Variants in GSTM4 observed in about 807,000 individuals in gnomAD.
The protein encoded by GSTM4 is GST class-mu 4.
A neutral mutation model predicts 30.1 loss-of-function variants in GSTM4; 27 were observed. That is an observed-to-expected ratio of 0.90 (90% CI 0.66 to 1.24). The LOEUF (loss-of-function observed/expected upper bound fraction) is 1.24, where lower values mean the gene tolerates loss of function less well. Ranked by LOEUF, GSTM4 falls within the 50% of genes most tolerant of loss-of-function variation. GSTM4 has a pLI of 0.00. For synonymous variants in GSTM4, 94 were observed against 96.2 expected (o/e 0.98, Z 0.13); for missense variants, 238 against 272.1 (o/e 0.87, Z 0.88).
At chr1:109,664,934 G>C (rs1010828453), downstream of GSTM4, 1 of 1,554,236 alleles carries the variant, frequency 6.4e-7, no homozygotes, top group African/African-American at 1.4e-5. Context: ...CCTGGAGAAA[G>C]GTTAAAGAAT....
downstream of GSTM4, among the ~76,000 whole-genome samples, chr1:109,667,517 C>T (rs1342563955): frequency 6.6e-6 from 1 of 152,102 alleles, no homozygotes; most frequent in Admixed American, 6.5e-5. Flanking sequence ...ATGACAAAAA[C>T]ATCATTTTCT....
chr1:109,657,568 C>T, intron 3 of GSTM4, 22 bp from the exon 4 acceptor site: 2 of 1,614,240 alleles, frequency 1.2e-6, no homozygotes, highest in East Asian at 2.2e-5. Flanking sequence ...AACTGAGCTT[C>T]CCCGGTTTCC....
downstream of GSTM4, among the ~76,000 whole-genome samples, chr1:109,667,501 C>A (rs1226481914): frequency 6.6e-6 from 1 of 152,054 alleles, no homozygotes; most frequent in East Asian, 1.9e-4. Context: ...GAGCACAGCA[C>A]CACTTATGAC....
At chr1:109,664,341 C>CT (rs77855995), downstream of GSTM4, among the ~76,000 whole-genome samples, 99 of 35,750 alleles carry the variant, frequency 2.8e-3, 17 homozygotes, top group South Asian at 3.4e-3. Context: ...GAGAGAATAG[C>CT]TTTTTTTTTT....
downstream of GSTM4, chr1:109,665,404 C>A (rs774340596): frequency 1.6e-4 from 42 of 258,138 alleles, no homozygotes; most frequent in Non-Finnish European, 2.9e-4. Context: ...ATCCTGCAGT[C>A]GGCAGATCAT....
chr1:109,659,235 GAACCTTGC>G, intron 7 of GSTM4, 125 bp downstream of exon 7: 1 of 1,613,124 alleles, frequency 6.2e-7, no homozygotes, highest in Non-Finnish European at 8.5e-7. Context: ...TTCATGCCAG[GAACCTTGC>G]CCAGCACATT....
Position 109,656,774 on chromosome 1 carries a change from T to G in GSTM4, c.99T>G (p.Tyr33Ter). Residue 33 changes from tyrosine (Y) to a stop codon, truncating the protein, a stop_gained, in exon 2 of 8, where the codon TAT becomes TAG. Transcript: ENST00000369836. LOFTEE classifies it high-confidence loss of function. Reference sequence around the variant, plus strand: ...ACTCAAGCTACGAGGAAAAGAAGTATACGATGGGGGACGGTAATGACACCC... The same window carrying G: ...ACTCAAGCTACGAGGAAAAGAAGTAGACGATGGGGGACGGTAATGACACCC... ...YTDSSYEEKKYTMGDAPDYDR... is the reference protein window; with the variant it reads ...YTDSSYEEKK The G allele has an allele frequency of 1.2e-6, 2 of 1,612,728 alleles. No homozygotes were observed. The highest frequency in any genetic ancestry group is 1.7e-6 in the Non-Finnish European group (2 of 1,179,172).
At chr1:109,660,983 G>T (rs1570621266) in intron 7 of GSTM4, 182 bp from the exon 8 acceptor site, 1 of 647,018 alleles carries the variant, frequency 1.5e-6, no homozygotes, top group African/African-American at 1.9e-5. Flanking sequence ...ATTACTTAAA[G>T]GAAGTTGGAA....
intron 2 of GSTM4, 174 bp downstream of exon 2, chr1:109,656,961 C>A (rs746877053): frequency 4.9e-6 from 4 of 816,902 alleles, no homozygotes; most frequent in Admixed American, 3.9e-5. Context: ...AATGCTGGGG[C>A]GGGATGCTGG....
intron 1 of GSTM4, 96 bp from the exon 2 acceptor site, chr1:109,656,616 C>T: frequency 2.1e-6 from 2 of 958,882 alleles, no homozygotes; most frequent in Non-Finnish European, 3.2e-6. Flanking sequence ...GGGGGGGGTG[C>T]AGTGCAGTGT....
chr1:109,658,568 G>T, intron 5 of GSTM4: 1 of 522,272 alleles, frequency 1.9e-6, no homozygotes, highest in Non-Finnish European at 3.4e-6. Flanking sequence ...GAGGGTGGTT[G>T]GGAGGTCAGT....
chr1:109,656,995 T>A (rs140934911), intron 2 of GSTM4: 7,916 of 778,108 alleles, frequency 0.01, 75 homozygotes, highest in Non-Finnish European at 0.011. Flanking sequence ...TTGGGTTGGG[T>A]GTCCCTCAGA....
At chr1:109,657,475 C>A (rs1226923899) in intron 3 of GSTM4, 115 bp from the exon 4 acceptor site, 26 of 1,509,142 alleles carry the variant, frequency 1.7e-5, no homozygotes, top group Non-Finnish European at 2.2e-5. Flanking sequence ...TATGTCAGGC[C>A]TGCCATGAGC....
chr1:109,658,873 G>A lies in GSTM4; in HGVS notation c.420G>A (p.Gln140=), dbSNP rs778181467. 2 of 1,614,150 alleles carry A rather than the reference G, an allele frequency of 1.2e-6. No homozygotes were observed. Among genetic ancestry groups the A allele is most frequent in the East Asian group, 4.5e-5 (2 of 44,888 alleles). The change falls in exon 6 of 8, where the codon CAG becomes CAA. Residue 140 remains glutamine (Q), a synonymous_variant. Coordinates refer to ENST00000369836, the MANE Select transcript of GSTM4 (RefSeq NM_000850.5). ...ELPTMMQHFS[Q]FLGKRPWFVG... is the part of the protein sequence containing the mutation. Reference sequence around the variant, plus strand: ...CTACAATGATGCAGCACTTCTCACAGTTCCTGGGGAAGAGGCCATGGTTTG... The same window carrying A: ...CTACAATGATGCAGCACTTCTCACAATTCCTGGGGAAGAGGCCATGGTTTG...
At chr1:109,658,556 A>G (rs1198958855) in intron 5 of GSTM4, 1 of 506,268 alleles carries the variant, frequency 2.0e-6, no homozygotes, top group African/African-American at 1.9e-5. Context: ...GCTGACCCAG[A>G]GGAGGGTGGT....
chr1:109,666,381 C>T (rs1274437748), downstream of GSTM4, among the ~76,000 whole-genome samples: 3 of 152,240 alleles, frequency 2.0e-5, no homozygotes, highest in Admixed American at 2.0e-4. Flanking sequence ...ATTACCCACT[C>T]TGGTGCTGGG....
At chr1:109,658,734 G>A in intron 5 of GSTM4, 80 bp from the exon 6 acceptor site, 3 of 995,698 alleles carry the variant, frequency 3.0e-6, no homozygotes, top group Non-Finnish European at 4.8e-6. Flanking sequence ...GGCCAGCTGG[G>A]GCCATACACA....
chr1:109,664,117 C>A (rs544077184), downstream of GSTM4, among the ~76,000 whole-genome samples: 1 of 152,230 alleles, frequency 6.6e-6, no homozygotes, highest in African/African-American at 2.4e-5. Context: ...ATCATTACTT[C>A]CTGTGGATAA....
intron 1 of GSTM4, 123 bp from the exon 2 acceptor site, chr1:109,656,589 T>C (rs1265609907): frequency 1.0e-4 from 62 of 591,126 alleles, no homozygotes; most frequent in African/African-American, 6.0e-4. Flanking sequence ...TGTGTGTGTG[T>C]GCGTGCGCCG....
Sources: gnomAD v4.1 joint callset for allele counts (sites outside exome capture counted in the v4.1 genomes callset) on GRCh38, gnomAD v4.1.1 for gene constraint, MANE v1.5 for transcripts, NCBI Gene and HGNC (gene_info 2026-07-23, HGNC 2026-07-21) for gene names.